ZNF704: variants seen among roughly 807,000 people sequenced by gnomAD.
ZNF704 encodes zinc finger protein 704, also known as glucocorticoid induced gene 1.
ZNF704 carries 10 observed loss-of-function variants against 44.7 expected under a neutral mutation model. The ratio of observed to expected loss-of-function variants is 0.22; its 90% CI spans 0.14 to 0.38. The LOEUF (loss-of-function observed/expected upper bound fraction) is 0.38, where lower values mean the gene tolerates loss of function less well. ZNF704 is among the 10% of genes least tolerant of loss of function. ZNF704 has a pLI of 1.00. For synonymous variants in ZNF704, 211 were observed against 207.6 expected, an observed-to-expected ratio of 1.02 and a Z score of -0.14; for missense variants, 390 against 545.5, an observed-to-expected ratio of 0.71 and a Z score of 2.84.
chr8:80,691,222 A>C (rs1266734976), intron 3 of ZNF704, among the ~76,000 whole-genome samples: 1 of 152,222 alleles, frequency 6.6e-6, no homozygotes, highest in Admixed American at 6.5e-5. Flanking sequence ...ATTGTGTGTG[A>C]ACCATATCTT....
At chr8:80,829,429 G>T (rs936749267) in intron 1 of ZNF704, among the ~76,000 whole-genome samples, 2 of 152,126 alleles carry the variant, frequency 1.3e-5, no homozygotes, top group Non-Finnish European at 2.9e-5. Flanking sequence ...ATTATAAATT[G>T]CTTCTAAGTG....
chr8:80,837,634 A>AACTGAG (rs1563571656), intron 1 of ZNF704, among the ~76,000 whole-genome samples: 1 of 152,162 alleles, frequency 6.6e-6, no homozygotes, highest in African/African-American at 2.4e-5. Context: ...TACTCCCCCA[A>AACTGAG]TGAGTTTTAA....
intron 2 of ZNF704, among the ~76,000 whole-genome samples, chr8:80,818,602 T>C (rs112864486): frequency 9.2e-5 from 14 of 152,356 alleles, no homozygotes; most frequent in African/African-American, 9.6e-5. Flanking sequence ...CAAGAAAATG[T>C]ATCTGTACAT....
In ZNF704 at chr8:80,692,993, C is replaced by T; in HGVS notation, c.325+11G>A. The stretch of plus-strand genomic sequence containing the variant: ...AGGGGCCCTTCCCTAAGTCCCATAT[C>T]CTGGGCTTACCGTTCGGCCGCACGG... On this transcript the variant is annotated intron_variant, in intron 3 of 8. Coordinates refer to ENST00000327835, the MANE Select transcript of ZNF704 (RefSeq NM_001033723.3). The T allele has an allele frequency of 6.2e-7, 1 of 1,613,762 alleles. No individual in the cohort carries two copies. The highest frequency in any genetic ancestry group is 1.1e-5 in the South Asian group (1 of 91,032).
intron 1 of ZNF704, among the ~76,000 whole-genome samples, chr8:80,834,290 A>G (rs1808521728): frequency 6.6e-6 from 1 of 152,186 alleles, no homozygotes; most frequent in South Asian, 2.1e-4. Context: ...TACAAAAAAA[A>G]GTGAGTCAAA....
At chr8:80,881,994 ACT>A in the ZNF704 span, among the ~76,000 whole-genome samples, 1 of 152,076 alleles carries the variant, frequency 6.6e-6, no homozygotes, top group African/African-American at 2.4e-5. Context: ...AAGAGTAAAA[ACT>A]CTTCATAGCA....
chr8:80,767,502 C>T (rs928926568), intron 2 of ZNF704, among the ~76,000 whole-genome samples: 1 of 152,124 alleles, frequency 6.6e-6, no homozygotes, highest in Non-Finnish European at 1.5e-5. Flanking sequence ...AACACTGCCT[C>T]GTTTTCTACT....
chr8:80,737,142 C>G (rs576430231), intron 2 of ZNF704, among the ~76,000 whole-genome samples: 2 of 152,128 alleles, frequency 1.3e-5, no homozygotes, highest in African/African-American at 4.8e-5. Context: ...ATCTCATGTT[C>G]GTTATCTACT....
chr8:80,842,574 G>A (rs1346229180), intron 1 of ZNF704, among the ~76,000 whole-genome samples: 1 of 152,162 alleles, frequency 6.6e-6, no homozygotes, highest in African/African-American at 2.4e-5. Context: ...TGAGAGACAG[G>A]TAAGGCCTCT....
At chr8:80,740,907 T>C (rs927624130) in intron 2 of ZNF704, among the ~76,000 whole-genome samples, 3 of 152,226 alleles carry the variant, frequency 2.0e-5, no homozygotes, top group Non-Finnish European at 4.4e-5. Flanking sequence ...TAGCCGCCCA[T>C]TCAGAAACCT....
chr8:80,799,592 A>G (rs1272547080), intron 2 of ZNF704, among the ~76,000 whole-genome samples: 2 of 152,228 alleles, frequency 1.3e-5, no homozygotes, highest in Non-Finnish European at 2.9e-5. Flanking sequence ...TGTTAAAAGA[A>G]AAACAAACAG....
chr8:80,693,418 C>T, intron 2 of ZNF704, among the ~76,000 whole-genome samples: 1 of 152,198 alleles, frequency 6.6e-6, no homozygotes, highest in East Asian at 1.9e-4. Flanking sequence ...AGACAAGGTT[C>T]TTGCTTTCAT....
At chr8:80,861,106 T>C (rs558064563) in intron 1 of ZNF704, among the ~76,000 whole-genome samples, 2 of 152,358 alleles carry the variant, frequency 1.3e-5, no homozygotes, top group South Asian at 2.1e-4. Flanking sequence ...AGCATGCAGA[T>C]TGAATGTAAT....
chr8:80,715,789 T>C (rs185109652), intron 2 of ZNF704, among the ~76,000 whole-genome samples: 9 of 152,300 alleles, frequency 5.9e-5, no homozygotes, highest in South Asian at 2.1e-4. Context: ...TTAAGAATTA[T>C]TGAGTCTGGG....
chr8:80,669,148 C>T (rs542952940), intron 5 of ZNF704, among the ~76,000 whole-genome samples: 6 of 152,190 alleles, frequency 3.9e-5, no homozygotes, highest in South Asian at 2.1e-4. Flanking sequence ...CTGATGGGAC[C>T]GAATAGGACT....
At chr8:80,642,197 C>A (rs1381906717) in intron 8 of ZNF704, among the ~76,000 whole-genome samples, 1 of 152,162 alleles carries the variant, frequency 6.6e-6, no homozygotes, top group Non-Finnish European at 1.5e-5. Flanking sequence ...CTTTTTCTTT[C>A]TTTACAGTTT....
intron 8 of ZNF704, among the ~76,000 whole-genome samples, chr8:80,642,067 T>C (rs7845228): frequency 0.31 from 47,258 of 152,082 alleles, 9,899 homozygotes; most frequent in African/African-American, 0.59. Flanking sequence ...TTCAAATGCT[T>C]CCACCATTCT....
At chr8:80,806,347 C>T (rs930582035) in intron 2 of ZNF704, among the ~76,000 whole-genome samples, 10 of 152,140 alleles carry the variant, frequency 6.6e-5, no homozygotes, top group South Asian at 2.1e-4. Flanking sequence ...CTTGGCATCA[C>T]GTAATGACCA....
intron 2 of ZNF704, among the ~76,000 whole-genome samples, chr8:80,794,120 C>CA (rs1326095110): frequency 1.3e-5 from 2 of 151,280 alleles, no homozygotes; most frequent in African/African-American, 4.9e-5. Context: ...AACAAAGCTA[C>CA]AAAAAAAGAG....
Sources: allele counts gnomAD v4.1 joint callset (sites outside exome capture counted in the v4.1 genomes callset), GRCh38; gene constraint gnomAD v4.1.1; transcripts MANE v1.5; gene names NCBI Gene and HGNC (gene_info 2026-07-23, HGNC 2026-07-21).